RBMXL1: variants seen among roughly 807,000 people sequenced by gnomAD.
The protein encoded by RBMXL1 is RNA binding motif protein, X-linked-like-1.
A neutral mutation model predicts 29.0 loss-of-function variants in RBMXL1; 18 were observed. The observed-to-expected ratio is 0.62, with a 90% CI of 0.43 to 0.92. RBMXL1 has a LOEUF of 0.92. Among genes scored for constraint, RBMXL1 ranks in the 40% least tolerant of loss-of-function variants. The pLI is 0.00. For missense variants in RBMXL1, 403 were observed against 495.8 expected, an observed-to-expected ratio of 0.81 and a Z score of 1.78; for synonymous variants, 141 against 170.4, an observed-to-expected ratio of 0.83 and a Z score of 1.34.
Position 88,983,387 on chromosome 1 carries a change from A to T in RBMXL1, c.440T>A (p.Leu147His). 13 of 1,614,152 alleles carry T rather than the reference A, an allele frequency of 8.1e-6. No homozygotes were observed. The highest frequency in any genetic ancestry group is 1.7e-5 in the Admixed American group (1 of 60,026). ...NFNMSSSRGP[L>H]PVKRGPPPRS... Reference sequence around the variant, plus strand: ...TGGTGGTGGTCCTCTTTTTACTGGGAGTGGTCCCCTGGAAGAACTCATGTT... The same window carrying T: ...TGGTGGTGGTCCTCTTTTTACTGGGTGTGGTCCCCTGGAAGAACTCATGTT... Residue 147 changes from leucine to histidine, a missense_variant, in exon 3 of 3, where the codon CTC becomes CAC. Coordinates refer to ENST00000652648, the MANE Select transcript of RBMXL1 (RefSeq NM_001162536.3).
chr1:88,987,972 T>C (rs1677565198), intron 2 of RBMXL1, among the ~76,000 whole-genome samples: 1 of 152,238 alleles, frequency 6.6e-6, no homozygotes. Context: ...CTTCTACTTT[T>C]TTCCCATGCC....
rs776138654 is a variant in RBMXL1 at position 88,983,235 on chromosome 1, G to C, written c.592C>G (p.Pro198Ala). The change falls in exon 3 of 3, where the codon CCG (proline) becomes GCG (alanine). Residue 198 changes from proline to alanine, a missense_variant. Pro to Ala is a conservative substitution (Grantham distance 27). Transcript: ENST00000652648. ...DSYGGPPRREPLPSRRDVYLS... is the reference protein window; with the variant it reads ...DSYGGPPRREALPSRRDVYLS... ...TAAACATCTCTACGAGAGGGGAGCG[G>C]TTCCCTTCGAGGTGGACCTCCATAA... The C allele has an allele frequency of 3.1e-6, 5 of 1,613,244 alleles. No individual in the cohort carries two copies. In the African/African-American group the frequency reaches 6.7e-5, roughly 22 times the overall value.
At position 88,983,933 on chromosome 1, in the gene RBMXL1, G is replaced by A; in HGVS notation, c.-107C>T. ...CAGCACCAGTGGCGGCTGTCAGTTA[G>A]GAGGACTGAACCGCGAAGCCGCTAG... On this transcript the variant is annotated 5_prime_UTR_variant, in exon 3 of 3. Coordinates refer to ENST00000652648, the MANE Select transcript of RBMXL1 (RefSeq NM_001162536.3). 3 of 1,244,846 alleles carry A rather than the reference G, an allele frequency of 2.4e-6. No individual in the cohort carries two copies. Among genetic ancestry groups the A allele is most frequent in the South Asian group, 2.4e-5 (2 of 82,950 alleles). 77.1% of individuals were successfully genotyped at this position (1,244,846 alleles called of 1,614,324 possible). A position where few individuals can be genotyped will look rare whatever the true frequency, so the allele number is the denominator to read the frequency against.
At position 88,982,857 on chromosome 1, in the gene RBMXL1, G is replaced by A. The variant is rs1224848272; in HGVS notation, c.970C>T (p.Arg324Ter). 3 of 1,613,766 alleles carry A rather than the reference G, an allele frequency of 1.9e-6. No individual in the cohort carries two copies. Among genetic ancestry groups the A allele is most frequent in the Non-Finnish European group, 1.7e-6 (2 of 1,179,880 alleles). Residue 324 changes from arginine to a stop codon, truncating the protein, a stop_gained, in exon 3 of 3, where the codon CGA becomes TGA. Coordinates refer to ENST00000652648, the MANE Select transcript of RBMXL1 (RefSeq NM_001162536.3). LOFTEE classifies it high-confidence loss of function. ...CTTCGGCTGCTTGAGTAACTGTCTCGACTTCCACCATATCCATCACGTGAG... is the reference window on the plus strand; with the variant it reads ...CTTCGGCTGCTTGAGTAACTGTCTCAACTTCCACCATATCCATCACGTGAG... ...SSSRDGYGGS[R>*]DSYSSSRSDL...
intron 1 of RBMXL1, among the ~76,000 whole-genome samples, chr1:88,990,787 A>G (rs1677749816): frequency 6.6e-6 from 1 of 152,206 alleles, no homozygotes; most frequent in African/African-American, 2.4e-5. Context: ...CCTTTGAATC[A>G]AGCTAGTTTA....
At chr1:88,985,830 A>G (rs987519952) in intron 2 of RBMXL1, among the ~76,000 whole-genome samples, 1 of 152,244 alleles carries the variant, frequency 6.6e-6, no homozygotes, top group Non-Finnish European at 1.5e-5. Flanking sequence ...GCACTAAAGG[A>G]GGCAAAGAGA....
chr1:88,983,216 T>A lies in RBMXL1; in HGVS notation c.611A>T (p.Asp204Val). The change falls in exon 3 of 3, where the codon GAT (aspartate) becomes GTT (valine). Residue 204 changes from aspartate to valine, a missense_variant. Asp to Val is a radical substitution (Grantham distance 152). Transcript: ENST00000652648. ...PRREPLPSRRDVYLSPRDDGY... is the reference protein window; with the variant it reads ...PRREPLPSRRVVYLSPRDDGY... The stretch of plus-strand genomic sequence containing the variant: ...ATCATCTCTTGGGGACAAATAAACA[T>A]CTCTACGAGAGGGGAGCGGTTCCCT... The A allele has an allele frequency of 1.9e-6, 3 of 1,613,074 alleles. No individual in the cohort carries two copies. The highest frequency in any genetic ancestry group is 2.5e-6 in the Non-Finnish European group (3 of 1,179,968).
At chr1:88,988,230 T>G (rs760953440) in intron 2 of RBMXL1, 22 bp downstream of exon 2, 12 of 1,491,466 alleles carry the variant, frequency 8.0e-6, no homozygotes, top group Non-Finnish European at 1.1e-5. Flanking sequence ...CAATAATTTA[T>G]CTGTAAGTAA....
rs1366185224 is a variant in RBMXL1 at position 88,982,541 on chromosome 1, AAAG to A, written c.*110_*112del. ...GAAGGGACTTAACAGGGAATTTAAA[AAAG>A]GTAACACAATTTTTCCTTTTAGTAG... On this transcript the variant is annotated 3_prime_UTR_variant, in exon 3 of 3. Transcript: ENST00000652648. 3.0e-5 allele frequency: 43 copies of A among 1,419,120 alleles called. No individual in the cohort carries two copies. In the African/African-American group the frequency reaches 5.2e-4, roughly 17 times the overall value. The allele number at this position is 1,419,120 out of a possible 1,614,324, so 87.9% of individuals were successfully genotyped here.
At chr1:88,989,597 T>G (rs1017239354) in intron 1 of RBMXL1, among the ~76,000 whole-genome samples, 3 of 152,084 alleles carry the variant, frequency 2.0e-5, no homozygotes, top group African/African-American at 7.2e-5. Flanking sequence ...AAGACCTGGG[T>G]CAGTTGCCAG....
chr1:88,986,363 C>T (rs948737785), intron 2 of RBMXL1, among the ~76,000 whole-genome samples: 1 of 150,306 alleles, frequency 6.7e-6, no homozygotes, highest in Non-Finnish European at 1.5e-5. Flanking sequence ...CGGTGGCTCA[C>T]GCCTGTAATC....
At chr1:88,990,368 T>C (rs1342048811) in intron 1 of RBMXL1, among the ~76,000 whole-genome samples, 1 of 152,204 alleles carries the variant, frequency 6.6e-6, no homozygotes, top group African/African-American at 2.4e-5. Flanking sequence ...TTCCTCAATC[T>C]ACGCTCCTCA....
chr1:88,989,119 A>C (rs1677637225), intron 1 of RBMXL1, among the ~76,000 whole-genome samples: 1 of 152,210 alleles, frequency 6.6e-6, no homozygotes, highest in Non-Finnish European at 1.5e-5. Flanking sequence ...TTACTCTGAG[A>C]ATGTTGTTCT....
At chr1:88,985,919 G>A (rs1403844624) in intron 2 of RBMXL1, among the ~76,000 whole-genome samples, 1 of 152,084 alleles carries the variant, frequency 6.6e-6, no homozygotes. Flanking sequence ...AGTGACTCAT[G>A]CCTGTAATCT....
chr1:88,987,642 T>C (rs1276637167), intron 2 of RBMXL1, among the ~76,000 whole-genome samples: 4 of 152,244 alleles, frequency 2.6e-5, no homozygotes, highest in Non-Finnish European at 5.9e-5. Flanking sequence ...AGATTTTGCC[T>C]CTTTTTTTCT....
At chr1:88,984,394 A>T (rs1315969812) in intron 2 of RBMXL1, among the ~76,000 whole-genome samples, 1 of 151,742 alleles carries the variant, frequency 6.6e-6, no homozygotes, top group East Asian at 1.9e-4. Context: ...TTTGTATTTT[A>T]GTAGAGCAGG....
chr1:88,983,922 G>GA lies in RBMXL1; in HGVS notation c.-97_-96insT. ...TCCTAGCAGCTCAGCACCAGTGGCG[G>GA]CTGTCAGTTAGGAGGACTGAACCGC... On this transcript the variant is annotated 5_prime_UTR_variant, in exon 3 of 3. Transcript: ENST00000652648. The GA allele has an allele frequency of 4.1e-6, 6 of 1,455,944 alleles. No homozygotes were observed. Among genetic ancestry groups the GA allele is most frequent in the Non-Finnish European group, 5.8e-6 (6 of 1,040,862 alleles). The allele number at this position is 1,455,944 out of a possible 1,614,324, so 90.2% of individuals were successfully genotyped here. A position where few individuals can be genotyped will look rare whatever the true frequency, so the allele number is the denominator to read the frequency against.
Position 88,981,812 on chromosome 1 carries a change from A to C in RBMXL1, c.*842T>G, listed in dbSNP as rs1399466899. 2 of 283,608 alleles carry C rather than the reference A, an allele frequency of 7.1e-6. No individual in the cohort carries two copies. The highest frequency in any genetic ancestry group is 2.3e-5 in the African/African-American group (1 of 43,766). The allele number at this position is 283,608 out of a possible 1,614,324, so 17.6% of individuals were successfully genotyped here. On this transcript the variant is annotated 3_prime_UTR_variant, in exon 3 of 3. Transcript: ENST00000652648. Reference sequence around the variant, plus strand: ...TCTGATGTGGAATGCTGATAGATTCACTTTTTAGAAGTCATAAGCCTTTAG... The same window carrying C: ...TCTGATGTGGAATGCTGATAGATTCCCTTTTTAGAAGTCATAAGCCTTTAG...
In RBMXL1 at chr1:88,983,513, G is replaced by A. The variant is rs756560445; in HGVS notation, c.314C>T (p.Pro105Leu). The A allele has an allele frequency of 3.1e-6, 5 of 1,614,134 alleles. No homozygotes were observed. The highest frequency in any genetic ancestry group is 4.5e-5 in the East Asian group (2 of 44,876). The change falls in exon 3 of 3, where the codon CCT (proline) becomes CTT (leucine). Residue 105 changes from proline to leucine, a missense_variant. Transcript: ENST00000652648. ...TCTTCCAGCTCCAAAACCTCTTGGAGGACCTCTACTTCTTGGAGGTGGGGG... is the reference window on the plus strand; with the variant it reads ...TCTTCCAGCTCCAAAACCTCTTGGAAGACCTCTACTTCTTGGAGGTGGGGG... Reference protein sequence around the residue: ...GPPPPPRSRGPPRGFGAGRGG... With the variant: ...GPPPPPRSRGLPRGFGAGRGG...
Sources: gnomAD v4.1 joint callset for allele counts (sites outside exome capture counted in the v4.1 genomes callset) on GRCh38, gnomAD v4.1.1 for gene constraint, MANE v1.5 for transcripts, NCBI Gene and HGNC (gene_info 2026-07-23, HGNC 2026-07-21) for gene names.